The following NLK variants were observed in gnomAD, a reference collection of about 807,000 sequenced individuals.
NLK encodes serine/threonine-protein kinase NLK.
Under a neutral mutation model 59.0 loss-of-function variants are expected in NLK, and 11 were observed. The ratio of observed to expected loss-of-function variants is 0.19; its 90% CI spans 0.12 to 0.31. The LOEUF is 0.31. NLK is among the 10% of genes least tolerant of loss of function. NLK has a pLI of 1.00. For synonymous variants in NLK, 235 were observed against 235.9 expected (o/e 1.00, Z 0.03); for missense variants, 410 against 661.1 (o/e 0.62, Z 4.16).
chr17:28,124,007 T>C (rs1906187150), intron 2 of NLK, among the ~76,000 whole-genome samples: 1 of 152,156 alleles, frequency 6.6e-6, no homozygotes, highest in East Asian at 1.9e-4. Flanking sequence ...TGGCCAAAGG[T>C]TTGGTCTCAC....
intron 1 of NLK, among the ~76,000 whole-genome samples, chr17:28,100,197 G>A (rs778412620): frequency 9.2e-5 from 14 of 152,032 alleles, no homozygotes; most frequent in Non-Finnish European, 1.6e-4. Flanking sequence ...TAAATACTTA[G>A]GAATGGAATT....
At chr17:28,130,893 A>G (rs879751578) in intron 2 of NLK, among the ~76,000 whole-genome samples, 1 of 152,192 alleles carries the variant, frequency 6.6e-6, no homozygotes, top group Non-Finnish European at 1.5e-5. Flanking sequence ...AAAAATATAT[A>G]GAAATGAAAT....
At chr17:28,105,132 C>T (rs1417411658) in intron 1 of NLK, among the ~76,000 whole-genome samples, 7 of 152,272 alleles carry the variant, frequency 4.6e-5, no homozygotes, top group African/African-American at 1.7e-4. Flanking sequence ...ACATGACTGT[C>T]TCTGATTACT....
rs33998150 is a variant in NLK at position 28,133,978 on chromosome 17, T to C, written c.644+1303T>C. 4.6e-3 allele frequency among the ~76,000 whole-genome samples: 698 copies of C among 152,214 alleles called. 3 individuals carry two copies. The highest frequency in any genetic ancestry group is 0.016 in the African/African-American group (676 of 41,540). On this transcript the variant is annotated intron_variant, in intron 3 of 10. Transcript: ENST00000407008. ...TATATGGTAATAGAATTGTCACTGATCAACACTGCTGGGATGTTTTGATCT... is the reference window on the plus strand; with the variant it reads ...TATATGGTAATAGAATTGTCACTGACCAACACTGCTGGGATGTTTTGATCT...
At chr17:28,171,363 A>C (rs1424548442) in intron 6 of NLK, 1 of 152,188 alleles carries the variant, frequency 6.6e-6, no homozygotes, top group Non-Finnish European at 1.5e-5. Context: ...CCCATCCTGG[A>C]AGGATCCAAA....
chr17:28,169,718 C>CTTATTTTT (rs1908385399), intron 6 of NLK, among the ~76,000 whole-genome samples: 1 of 125,438 alleles, frequency 8.0e-6, no homozygotes, highest in African/African-American at 3.4e-5. Context: ...GCTGCTTCTT[C>CTTATTTTT]TTCTTTTTTT....
chr17:28,060,603 C>G (rs562234688), intron 1 of NLK, among the ~76,000 whole-genome samples: 1 of 152,110 alleles, frequency 6.6e-6, no homozygotes, highest in African/African-American at 2.4e-5. Flanking sequence ...AAGAAATACA[C>G]TTGAAGAACC....
Position 28,192,195 on chromosome 17 carries a change from C to T in NLK, c.1511C>T (p.Ala504Val). ...CTCTGCATCAACCCTCAGTCTGCTG[C>T]TTTTAAGAGCTTTATTAGGTAACTA... ...VPLCINPQSA[A>V]FKSFISSTVA... Residue 504 changes from alanine (A) to valine (V), a missense_variant, in exon 10 of 11, where the codon GCT (alanine) becomes GTT (valine). This residue lies in a region of NLK where 25 missense variants were observed against 29.7 expected (regional missense o/e 0.84). Coordinates refer to ENST00000407008, the MANE Select transcript of NLK (RefSeq NM_016231.5). 1 of 1,587,508 alleles carries T rather than the reference C, an allele frequency of 6.3e-7. No homozygotes were observed. The highest frequency in any genetic ancestry group is 8.6e-7 in the Non-Finnish European group (1 of 1,158,026).
chr17:28,092,826 G>A (rs1487893654), intron 1 of NLK, among the ~76,000 whole-genome samples: 1 of 148,326 alleles, frequency 6.7e-6, no homozygotes, highest in Admixed American at 6.7e-5. Context: ...TTGAGACAGA[G>A]TCTCACTTGC....
At chr17:28,078,444 C>G (rs2142763578) in intron 1 of NLK, among the ~76,000 whole-genome samples, 2 of 152,274 alleles carry the variant, frequency 1.3e-5, no homozygotes. Flanking sequence ...GCCACACACA[C>G]AGTCTTCCTC....
intron 3 of NLK, among the ~76,000 whole-genome samples, chr17:28,142,066 T>G (rs1907020940): frequency 6.6e-6 from 1 of 152,178 alleles, no homozygotes; most frequent in Non-Finnish European, 1.5e-5. Context: ...AGAGCTGAAG[T>G]TTAAAATAAC....
intron 1 of NLK, chr17:28,048,092 A>T: frequency 2.5e-6 from 1 of 396,404 alleles, no homozygotes; most frequent in Non-Finnish European, 4.5e-6. Context: ...GAAACTAGAA[A>T]TGTGGAAATC....
At chr17:28,160,509 C>T (rs1237108788) in intron 3 of NLK, among the ~76,000 whole-genome samples, 1 of 152,208 alleles carries the variant, frequency 6.6e-6, no homozygotes, top group African/African-American at 2.4e-5. Context: ...AGCCTTTAAT[C>T]ATCGGCCATG....
chr17:28,175,132 C>A (rs1908623494), intron 7 of NLK, among the ~76,000 whole-genome samples: 3 of 151,774 alleles, frequency 2.0e-5, no homozygotes, highest in Admixed American at 1.3e-4. Flanking sequence ...AATTTATAAC[C>A]TCTGGACTGT....
chr17:28,172,652 A>G, intron 7 of NLK, 34 bp downstream of exon 7: 5 of 1,273,542 alleles, frequency 3.9e-6, no homozygotes, highest in South Asian at 1.6e-5. Context: ...TCTGGTAACC[A>G]TCTGTTTGGG....
chr17:28,144,194 C>A (rs1907135262), intron 3 of NLK, among the ~76,000 whole-genome samples: 1 of 152,112 alleles, frequency 6.6e-6, no homozygotes, highest in Admixed American at 6.5e-5. Flanking sequence ...ACTCACATCA[C>A]CTCTTTTAGT....
At chr17:28,107,617 C>T (rs1280758218) in intron 1 of NLK, among the ~76,000 whole-genome samples, 2 of 151,968 alleles carry the variant, frequency 1.3e-5, no homozygotes, top group African/African-American at 4.8e-5. Context: ...GTAAATAGAA[C>T]ACATATTAAA....
intron 1 of NLK, among the ~76,000 whole-genome samples, chr17:28,096,137 T>C (rs1904692533): frequency 6.6e-6 from 1 of 152,208 alleles, no homozygotes; most frequent in Admixed American, 6.5e-5. Context: ...GATATACTTA[T>C]TTTGAAAACG....
chr17:28,143,834 C>T (rs1360421404), intron 3 of NLK, among the ~76,000 whole-genome samples: 2 of 152,210 alleles, frequency 1.3e-5, no homozygotes, highest in Non-Finnish European at 2.9e-5. Flanking sequence ...ACTTTTCACA[C>T]ATACGCACAA....
Sources: allele counts gnomAD v4.1 joint callset (sites outside exome capture counted in the v4.1 genomes callset), GRCh38; gene constraint gnomAD v4.1.1; regional missense constraint gnomAD v4.1.1; transcripts MANE v1.5; gene names NCBI Gene and HGNC (gene_info 2026-07-23, HGNC 2026-07-21).